KCTD1: variants seen among roughly 807,000 people sequenced by gnomAD.
KCTD1 encodes potassium channel tetramerization domain containing 1.
A neutral mutation model predicts 66.0 loss-of-function variants in KCTD1; 24 were observed. The ratio of observed to expected loss-of-function variants is 0.36; its 90% CI spans 0.26 to 0.51. The LOEUF is 0.51. Ranked by LOEUF, KCTD1 falls within the 20% of genes least tolerant of loss-of-function variation. The pLI is 0.95. For missense variants in KCTD1, 943 were observed against 1,205.2 expected, an observed-to-expected ratio of 0.78 and a Z score of 3.22; for synonymous variants, 511 against 517.2, an observed-to-expected ratio of 0.99 and a Z score of 0.16.
chr18:26,636,107 C>T (rs1194734745), intron 1 of KCTD1, among the ~76,000 whole-genome samples: 3 of 151,954 alleles, frequency 2.0e-5, no homozygotes, highest in South Asian at 2.1e-4. Context: ...GGCCATTTGA[C>T]GATTGGGGGT....
intron 1 of KCTD1, among the ~76,000 whole-genome samples, chr18:26,601,062 T>G (rs192744501): frequency 2.7e-4 from 41 of 152,198 alleles, no homozygotes; most frequent in African/African-American, 9.4e-4. Flanking sequence ...TTGGAGGAAC[T>G]TAGTGTCACA....
chr18:26,655,451 C>CAG (rs1277930112), intron 1 of KCTD1, among the ~76,000 whole-genome samples: 1 of 151,910 alleles, frequency 6.6e-6, no homozygotes, highest in African/African-American at 2.4e-5. Flanking sequence ...CACACACACA[C>CAG]AGACACACAC....
chr18:26,481,654 G>A (rs1254123813), intron 2 of KCTD1, among the ~76,000 whole-genome samples: 3 of 152,142 alleles, frequency 2.0e-5, no homozygotes, highest in Admixed American at 6.5e-5. Flanking sequence ...CTGAAATCAC[G>A]CCTTCTCACA....
At chr18:26,608,121 A>G (rs1245823200) in intron 1 of KCTD1, among the ~76,000 whole-genome samples, 2 of 152,194 alleles carry the variant, frequency 1.3e-5, no homozygotes, top group Non-Finnish European at 2.9e-5. Flanking sequence ...AACTACATTC[A>G]CCACTACTCT....
At chr18:26,638,092 G>A (rs1225901984) in intron 1 of KCTD1, among the ~76,000 whole-genome samples, 1 of 152,108 alleles carries the variant, frequency 6.6e-6, no homozygotes, top group African/African-American at 2.4e-5. Flanking sequence ...AGTATATCCA[G>A]GTCTTTTGCA....
chr18:26,549,930 C>G (rs965183495), upstream of KCTD1: 1 of 410,464 alleles, frequency 2.4e-6, no homozygotes, highest in Non-Finnish European at 3.3e-6. Flanking sequence ...CGCCGCCTCC[C>G]GCTCTCCCGG....
rs1056137940 is a variant in KCTD1 at position 26,501,244 on chromosome 18, G to A, written c.1816C>T (p.Arg606Trp). 6.8e-6 allele frequency: 11 copies of A among 1,613,790 alleles called. No individual in the cohort carries two copies. The highest frequency in any genetic ancestry group is 2.7e-5 in the African/African-American group (2 of 74,900). ...PAIVSPTQDS[R>W]PNMSRPLITR... ...ATCAGAGGTCTTGACATATTGGGCC[G>A]ACTGTCCTACAGAGAGATAAGCAAG... The change falls in exon 2 of 5, where the codon CGG (arginine) becomes TGG (tryptophan). Residue 606 changes from arginine (R) to tryptophan (W), a missense_variant. By Grantham distance (101) the Arg-to-Trp change is moderately radical. Coordinates refer to ENST00000580059, the MANE Select transcript of KCTD1 (RefSeq NM_001142730.3).
At chr18:26,483,551 G>A (rs1981757887) in intron 2 of KCTD1, among the ~76,000 whole-genome samples, 1 of 152,098 alleles carries the variant, frequency 6.6e-6, no homozygotes, top group Non-Finnish European at 1.5e-5. Context: ...TTACAGGCAT[G>A]AGCCACCACG....
At chr18:26,634,572 T>C (rs1411651087) in intron 1 of KCTD1, among the ~76,000 whole-genome samples, 2 of 152,126 alleles carry the variant, frequency 1.3e-5, no homozygotes, top group African/African-American at 2.4e-5. Flanking sequence ...AAAACAACAG[T>C]ATGTATGATA....
intron 1 of KCTD1, among the ~76,000 whole-genome samples, chr18:26,627,983 G>T (rs1987539254): frequency 6.6e-6 from 1 of 152,170 alleles, no homozygotes. Flanking sequence ...CTGCCGGGAG[G>T]TTGCCTTGGC....
chr18:26,559,604 G>C (rs1162230993), intron 1 of KCTD1, among the ~76,000 whole-genome samples: 1 of 152,186 alleles, frequency 6.6e-6, no homozygotes, highest in Non-Finnish European at 1.5e-5. Context: ...AGGAGGATTG[G>C]TGGGGCTAAG....
At chr18:26,656,054 G>T (rs1439150206) in intron 1 of KCTD1, among the ~76,000 whole-genome samples, 1 of 151,964 alleles carries the variant, frequency 6.6e-6, no homozygotes, top group Non-Finnish European at 1.5e-5. Flanking sequence ...GGCGGCGGCA[G>T]TTGGGGGGGC....
chr18:26,620,348 TA>T (rs10594272), intron 1 of KCTD1, among the ~76,000 whole-genome samples: 1,339 of 86,976 alleles, frequency 0.015, 12 homozygotes, highest in Admixed American at 0.021. Context: ...AGGTAAATCT[TA>T]AAAAAAAAAA....
At chr18:26,626,077 C>T (rs558823690) in intron 1 of KCTD1, among the ~76,000 whole-genome samples, 36 of 151,718 alleles carry the variant, frequency 2.4e-4, no homozygotes, top group African/African-American at 8.7e-4. Flanking sequence ...TAGCTAACAC[C>T]GTGAAAGCAC....
chr18:26,546,962 G>A lies in KCTD1; in HGVS notation c.1575C>T (p.Asp525=), dbSNP rs956970951. Residue 525 remains aspartate (D), a synonymous_variant, in exon 1 of 5, where the codon GAC becomes GAT. Transcript: ENST00000580059. ...ILPKDSQVGP[D]VKSEAAPKRA... is the part of the protein sequence containing the mutation. ...GCTTGGGCGCAGCCTCGGATTTCAC[G>A]TCGGGCCCGACCTGGCTGTCTTTGG... is the stretch of plus-strand genomic sequence containing the variant. 4.1e-6 allele frequency: 6 copies of A among 1,474,908 alleles called. No homozygotes were observed. The Admixed American group carries it at 7.3e-5, about 18-fold the overall frequency. The allele number at this position is 1,474,908 out of a possible 1,614,324, so 91.4% of individuals were successfully genotyped here. A position where few individuals can be genotyped will look rare whatever the true frequency, so the allele number is the denominator to read the frequency against.
chr18:26,491,987 C>T (rs1445018863), intron 2 of KCTD1, among the ~76,000 whole-genome samples: 1 of 152,130 alleles, frequency 6.6e-6, no homozygotes, highest in Non-Finnish European at 1.5e-5. Flanking sequence ...TGGCTGATGC[C>T]TATAACCCTG....
At chr18:26,472,351 A>G (rs937915368) in intron 3 of KCTD1, among the ~76,000 whole-genome samples, 17 of 152,278 alleles carry the variant, frequency 1.1e-4, no homozygotes, top group Non-Finnish European at 2.4e-4. Context: ...GTTTTTCCTT[A>G]CTAGTATACA....
intron 1 of KCTD1, among the ~76,000 whole-genome samples, chr18:26,613,961 C>T (rs1987192342): frequency 6.6e-6 from 1 of 152,196 alleles, no homozygotes; most frequent in African/African-American, 2.4e-5. Context: ...CTTCCCTGCC[C>T]ATCCTACTTA....
intron 1 of KCTD1, chr18:26,566,859 GT>G (rs1985994250): frequency 6.6e-6 from 1 of 152,004 alleles, no homozygotes; most frequent in Admixed American, 6.6e-5. Flanking sequence ...AAAGTTGGGG[GT>G]GGGGGCAAAC....
Sources: gnomAD v4.1 joint callset for allele counts (sites outside exome capture counted in the v4.1 genomes callset) on GRCh38, gnomAD v4.1.1 for gene constraint, MANE v1.5 for transcripts, NCBI Gene and HGNC (gene_info 2026-07-23, HGNC 2026-07-21) for gene names.